Variants in FBXL17 observed in about 807,000 individuals in gnomAD.
The protein encoded by FBXL17 is F-box and leucine rich repeat protein 17.
A neutral mutation model predicts 66.2 loss-of-function variants in FBXL17; 22 were observed. The observed-to-expected ratio is 0.33, with a 90% CI of 0.24 to 0.47. FBXL17 has a LOEUF of 0.47. Ranked by LOEUF, FBXL17 falls within the 20% of genes least tolerant of loss-of-function variation. The probability of loss-of-function intolerance (pLI) is 1.00; values close to 1 mark genes in which losing one functional copy is unlikely to be tolerated. For missense variants in FBXL17, 878 were observed against 948.2 expected, an observed-to-expected ratio of 0.93 and a Z score of 0.97; for synonymous variants, 474 against 400.5, an observed-to-expected ratio of 1.18 and a Z score of -2.19.
chr5:107,996,564 T>C (rs1361927534), intron 7 of FBXL17, among the ~76,000 whole-genome samples: 5 of 152,164 alleles, frequency 3.3e-5, no homozygotes, highest in Non-Finnish European at 7.4e-5. Flanking sequence ...ATCCGCCCAC[T>C]TGGGCTCCCA....
intron 7 of FBXL17, among the ~76,000 whole-genome samples, chr5:107,961,227 G>T (rs1751893001): frequency 6.6e-6 from 1 of 150,730 alleles, no homozygotes; most frequent in Non-Finnish European, 1.5e-5. Context: ...TTTTTGGGGG[G>T]TTTTGTTTTG....
intron 6 of FBXL17, among the ~76,000 whole-genome samples, chr5:108,122,365 T>C (rs1165147561): frequency 1.3e-5 from 2 of 152,222 alleles, no homozygotes; most frequent in Non-Finnish European, 2.9e-5. Context: ...GATTTCATGT[T>C]CTTAACCACA....
chr5:107,924,222 C>G (rs914827634), intron 7 of FBXL17, among the ~76,000 whole-genome samples: 2 of 151,884 alleles, frequency 1.3e-5, no homozygotes, highest in African/African-American at 4.8e-5. Flanking sequence ...CCTTTCAGAC[C>G]TTAGCTTGCA....
intron 6 of FBXL17, among the ~76,000 whole-genome samples, chr5:108,029,667 A>G (rs1754958718): frequency 6.6e-6 from 1 of 152,132 alleles, no homozygotes; most frequent in Non-Finnish European, 1.5e-5. Flanking sequence ...TATGTGGACT[A>G]TATTTAAAAA....
intron 7 of FBXL17, among the ~76,000 whole-genome samples, chr5:107,998,021 G>A (rs773956305): frequency 1.4e-4 from 22 of 152,220 alleles, no homozygotes; most frequent in Admixed American, 3.9e-4. Flanking sequence ...TACTGAGCAC[G>A]GGAAACATAG....
chr5:107,861,190 G>A lies in FBXL17; in HGVS notation c.*530C>T, dbSNP rs1748110163. Reference sequence around the variant, plus strand: ...ACAGTGGATAACATGCTACCTTAGTGGCCTGGAAGAAGGCTTCTCTGTCAG... The same window carrying A: ...ACAGTGGATAACATGCTACCTTAGTAGCCTGGAAGAAGGCTTCTCTGTCAG... On this transcript the variant is annotated 3_prime_UTR_variant, in exon 9 of 9. Coordinates refer to ENST00000542267, the MANE Select transcript of FBXL17 (RefSeq NM_001163315.3). 6.6e-6 allele frequency: 1 copy of A among 152,186 alleles called. No individual in the cohort carries two copies. The highest frequency in any genetic ancestry group is 1.5e-5 in the Non-Finnish European group (1 of 68,052). 9.4% of individuals were successfully genotyped at this position (152,186 alleles called of 1,614,324 possible).
chr5:108,267,054 C>T (rs1314947204), intron 4 of FBXL17, among the ~76,000 whole-genome samples: 2 of 151,984 alleles, frequency 1.3e-5, no homozygotes, highest in Admixed American at 6.6e-5. Flanking sequence ...ATTCAAAAAA[C>T]ATGCTTTTTA....
At chr5:108,267,431 A>C (rs1244779089) in intron 4 of FBXL17, among the ~76,000 whole-genome samples, 2 of 152,062 alleles carry the variant, frequency 1.3e-5, no homozygotes, top group African/African-American at 4.8e-5. Flanking sequence ...ATTCTTAATT[A>C]TGTAAATCAT....
intron 6 of FBXL17, among the ~76,000 whole-genome samples, chr5:108,109,266 C>A (rs188291056): frequency 2.6e-5 from 4 of 152,188 alleles, no homozygotes; most frequent in Non-Finnish European, 5.9e-5. Flanking sequence ...GTCACTCTCA[C>A]CTTCCCCACA....
At chr5:107,986,499 T>C (rs899897790) in intron 7 of FBXL17, among the ~76,000 whole-genome samples, 4 of 151,764 alleles carry the variant, frequency 2.6e-5, no homozygotes, top group Non-Finnish European at 5.9e-5. Flanking sequence ...AGATTGCAAG[T>C]ATCTTACTTT....
chr5:107,891,166 C>G (rs1047486610), intron 7 of FBXL17, among the ~76,000 whole-genome samples: 1 of 152,056 alleles, frequency 6.6e-6, no homozygotes, highest in African/African-American at 2.4e-5. Context: ...ATAAAGATAT[C>G]CATGGGAAAG....
intron 7 of FBXL17, chr5:108,020,665 T>C (rs1754559387): frequency 3.7e-6 from 1 of 269,218 alleles, no homozygotes; most frequent in Non-Finnish European, 7.0e-6. Flanking sequence ...ACTTTTTAAT[T>C]TTGTGTGAGT....
chr5:107,866,054 T>C (rs1268743238), intron 8 of FBXL17, among the ~76,000 whole-genome samples: 1 of 151,254 alleles, frequency 6.6e-6, no homozygotes, highest in African/African-American at 2.4e-5. Flanking sequence ...TCATAAAATA[T>C]ATGTAATATA....
intron 6 of FBXL17, among the ~76,000 whole-genome samples, chr5:108,114,100 G>T (rs1750146083): frequency 6.6e-6 from 1 of 152,152 alleles, no homozygotes; most frequent in South Asian, 2.1e-4. Context: ...CAGCAGTGCT[G>T]TATATGAAGG....
chr5:107,865,887 A>T (rs1748256386), intron 8 of FBXL17, among the ~76,000 whole-genome samples: 1 of 152,018 alleles, frequency 6.6e-6, no homozygotes, highest in Non-Finnish European at 1.5e-5. Context: ...CTTTGTATGG[A>T]CTCCATAAGT....
intron 7 of FBXL17, among the ~76,000 whole-genome samples, chr5:107,938,747 C>T (rs1171801689): frequency 6.6e-6 from 1 of 152,212 alleles, no homozygotes; most frequent in Non-Finnish European, 1.5e-5. Flanking sequence ...TGTTATATTT[C>T]CATAAACATA....
intron 7 of FBXL17, among the ~76,000 whole-genome samples, chr5:107,883,723 AC>A (rs1248176082): frequency 6.6e-6 from 1 of 152,196 alleles, no homozygotes; most frequent in Non-Finnish European, 1.5e-5. Flanking sequence ...AGCACCTAGC[AC>A]ATGCCTCGTA....
intron 4 of FBXL17, among the ~76,000 whole-genome samples, chr5:108,255,878 G>T (rs527269864): frequency 3.3e-5 from 5 of 152,228 alleles, no homozygotes; most frequent in African/African-American, 9.6e-5. Flanking sequence ...TCTCTACCTG[G>T]GATTCGACTT....
At chr5:107,885,724 A>G (rs1187701828) in intron 7 of FBXL17, among the ~76,000 whole-genome samples, 1 of 152,172 alleles carries the variant, frequency 6.6e-6, no homozygotes, top group East Asian at 1.9e-4. Flanking sequence ...AATAAAATAC[A>G]TATTAATCTG....
Sources: allele counts gnomAD v4.1 joint callset (sites outside exome capture counted in the v4.1 genomes callset), GRCh38; gene constraint gnomAD v4.1.1; transcripts MANE v1.5; gene names NCBI Gene and HGNC (gene_info 2026-07-23, HGNC 2026-07-21).